The following MZT2A variants were observed in gnomAD, a reference collection of about 807,000 sequenced individuals.
MZT2A encodes the protein mitotic-spindle organizing protein 2A.
A neutral mutation model predicts 12.4 loss-of-function variants in MZT2A; 8 were observed. That is an observed-to-expected ratio of 0.64 (90% CI 0.38 to 1.16). The LOEUF (loss-of-function observed/expected upper bound fraction) is 1.16, where lower values mean the gene tolerates loss of function less well. MZT2A is among the 50% of genes most tolerant of loss of function. MZT2A has a pLI of 0.01. For synonymous variants in MZT2A, 88 were observed against 107.5 expected (o/e 0.82, Z 1.12); for missense variants, 181 against 223.6 (o/e 0.81, Z 1.22).
intron 2 of MZT2A, chr2:131,490,610 C>T: frequency 6.5e-7 from 1 of 1,547,796 alleles, no homozygotes; most frequent in Non-Finnish European, 8.7e-7. Flanking sequence ...CCTGCATGAT[C>T]CTGCCCTTGC....
intron 3 of MZT2A, among the ~76,000 whole-genome samples, chr2:131,471,162 C>G (rs571505940): frequency 9.3e-5 from 13 of 139,470 alleles, no homozygotes; most frequent in Non-Finnish European, 1.2e-4. Context: ...AAGGCCTCCC[C>G]AGGCCTCTCT....
chr2:131,477,588 G>A (rs1025163249), intron 2 of MZT2A, among the ~76,000 whole-genome samples: 14 of 150,840 alleles, frequency 9.3e-5, no homozygotes, highest in African/African-American at 3.5e-4. Context: ...GTATCCCACT[G>A]CTGCCTGCCA....
At chr2:131,476,002 A>ATGGGG in intron 2 of MZT2A, 3 of 971,484 alleles carry the variant, frequency 3.1e-6, no homozygotes, top group Non-Finnish European at 4.5e-6. Context: ...CCCAGTACAC[A>ATGGGG]TGTTGAGCAA....
intron 2 of MZT2A, among the ~76,000 whole-genome samples, chr2:131,485,722 C>T (rs534107012): frequency 6.6e-6 from 1 of 152,244 alleles, no homozygotes; most frequent in South Asian, 2.1e-4. Context: ...CCTGGTCCTT[C>T]CCTGGCCTCT....
rs996849041 is a variant in MZT2A at position 131,490,731 on chromosome 2, G to A, written c.319+1145C>T. 1.3e-5 allele frequency: 20 copies of A among 1,548,902 alleles called. No individual in the cohort carries two copies. In the South Asian group the frequency reaches 1.4e-4, roughly 11 times the overall value. ...ACGCAACCTGCAAAAGGAGAGAACA[G>A]GCAGCAAGAGAGGCGGAGGGAACCC... is the stretch of plus-strand genomic sequence containing the variant. On this transcript the variant is annotated intron_variant, in intron 2 of 2. Coordinates refer to ENST00000309451, the MANE Select transcript of MZT2A (RefSeq NM_001085365.2).
chr2:131,475,132 A>C (rs1012966236), intron 2 of MZT2A, among the ~76,000 whole-genome samples: 14 of 138,066 alleles, frequency 1.0e-4, no homozygotes, highest in Non-Finnish European at 2.0e-4. Context: ...TGCTAATTTT[A>C]TTTTATTTTT....
At chr2:131,493,272 C>T, upstream of MZT2A, 1 of 1,333,866 alleles carries the variant, frequency 7.5e-7, no homozygotes, top group Non-Finnish European at 9.6e-7. Flanking sequence ...CCAGGCCGGG[C>T]AGGCTGGGGA....
intron 2 of MZT2A, among the ~76,000 whole-genome samples, chr2:131,489,190 TC>T (rs1559360531): frequency 2.7e-5 from 4 of 148,492 alleles, no homozygotes; most frequent in Admixed American, 1.3e-4. Flanking sequence ...GTTTTTCTTT[TC>T]CTTTCTTTTC....
downstream of MZT2A, among the ~76,000 whole-genome samples, chr2:131,483,358 G>A (rs1678923554): frequency 6.6e-6 from 1 of 152,038 alleles, no homozygotes; most frequent in African/African-American, 2.4e-5. Flanking sequence ...CACAGCATTC[G>A]TGACCCACAG....
At chr2:131,485,793 C>T (rs1285970120) in intron 2 of MZT2A, among the ~76,000 whole-genome samples, 1 of 152,076 alleles carries the variant, frequency 6.6e-6, no homozygotes, top group Non-Finnish European at 1.5e-5. Flanking sequence ...AAGATGCAAC[C>T]GGGTGTCTAG....
chr2:131,474,510 A>T (rs1332868742), intron 2 of MZT2A, among the ~76,000 whole-genome samples: 2 of 150,308 alleles, frequency 1.3e-5, no homozygotes, highest in East Asian at 4.0e-4. Flanking sequence ...CCCGGGTTCA[A>T]GTGATTATCC....
chr2:131,476,064 A>T, intron 2 of MZT2A: 2 of 1,527,136 alleles, frequency 1.3e-6, no homozygotes, highest in South Asian at 2.4e-5. Flanking sequence ...AGGAACTCCG[A>T]GCCAATGGCG....
chr2:131,489,368 GTT>G (rs60079614), intron 2 of MZT2A: 10 of 135,070 alleles, frequency 7.4e-5, no homozygotes, highest in Admixed American at 7.4e-5. Context: ...CACCTGGCTA[GTT>G]TTTTTTTTTT....
chr2:131,489,926 T>C, intron 2 of MZT2A: 1 of 976,714 alleles, frequency 1.0e-6, no homozygotes, highest in Non-Finnish European at 1.2e-6. Context: ...GAGTGAGTGC[T>C]AAGTGAGCAG....
upstream of MZT2A, chr2:131,493,144 A>C (rs563262424): frequency 7.7e-5 from 111 of 1,450,736 alleles, no homozygotes; most frequent in African/African-American, 1.4e-3. Context: ...CCCACAGGTG[A>C]GTGGCGCGGG....
chr2:131,483,206 T>C (rs1007068686), downstream of MZT2A, among the ~76,000 whole-genome samples: 2 of 152,204 alleles, frequency 1.3e-5, no homozygotes, highest in African/African-American at 4.8e-5. Flanking sequence ...GCTTCTTTAT[T>C]GATGGGTCAT....
At chr2:131,480,890 G>T (rs1678841014), downstream of MZT2A, 3 of 1,196,366 alleles carry the variant, frequency 2.5e-6, no homozygotes, top group Admixed American at 8.2e-5. Context: ...AACCAGAGTT[G>T]ATAATTGATT....
At chr2:131,492,989 T>TA, upstream of MZT2A, 1 of 1,516,698 alleles carries the variant, frequency 6.6e-7, no homozygotes, top group Non-Finnish European at 8.9e-7. Flanking sequence ...TTTGCGCACG[T>TA]ACCTTTTGAG....
intron 3 of MZT2A, chr2:131,471,928 T>C (rs1704994546): frequency 1.4e-6 from 1 of 726,618 alleles, no homozygotes; most frequent in Non-Finnish European, 1.8e-6. Context: ...GAACCAGGCT[T>C]GGCCCTGTTG....
Sources: gnomAD v4.1 joint callset for allele counts (sites outside exome capture counted in the v4.1 genomes callset) on GRCh38, gnomAD v4.1.1 for gene constraint, MANE v1.5 for transcripts, NCBI Gene and HGNC (gene_info 2026-07-23, HGNC 2026-07-21) for gene names.